NCAPG: variants seen among roughly 807,000 people sequenced by gnomAD.
The protein encoded by NCAPG is non-SMC condensin I complex subunit G, also known as condensin complex subunit 3.
Under a neutral mutation model 113.1 loss-of-function variants are expected in NCAPG, and 69 were observed. That is an observed-to-expected ratio of 0.61 (90% CI 0.50 to 0.75). The LOEUF (loss-of-function observed/expected upper bound fraction) is 0.75. Ranked by LOEUF, NCAPG falls within the 30% of genes least tolerant of loss-of-function variation. The pLI, the probability that NCAPG is intolerant of heterozygous loss-of-function variation, is 0.00. For missense variants in NCAPG, 1,058 were observed against 1,177.0 expected, an observed-to-expected ratio of 0.90 and a Z score of 1.48; for synonymous variants, 370 against 415.8, an observed-to-expected ratio of 0.89 and a Z score of 1.34.
chr4:17,811,519 A>G lies in NCAPG; in HGVS notation c.111+331A>G, dbSNP rs1024799432. 6.7e-6 allele frequency among the ~76,000 whole-genome samples: 1 copy of G among 149,788 alleles called. No individual in the cohort carries two copies. Among genetic ancestry groups the G allele is most frequent in the Non-Finnish European group, 1.5e-5 (1 of 67,126 alleles). ...AGAAACATTTACGACCACCGAGGCG[A>G]TCAGACATCAAATATTGAACCGCAG... On this transcript the variant is annotated intron_variant, in intron 1 of 20. Coordinates refer to ENST00000251496, the MANE Select transcript of NCAPG (RefSeq NM_022346.5). This position sits in a 1 kb window ranked among gnomAD's most constrained non-coding sequence, Gnocchi z 5.3.
chr4:17,830,263 C>T (rs1299784528), intron 12 of NCAPG, among the ~76,000 whole-genome samples: 3 of 151,866 alleles, frequency 2.0e-5, no homozygotes, highest in Non-Finnish European at 1.5e-5. Flanking sequence ...GGTGGTGACT[C>T]GGGCCTGTGC....
intron 5 of NCAPG, 21 bp from the exon 6 acceptor site, chr4:17,817,238 CTA>C: frequency 6.3e-7 from 1 of 1,582,444 alleles, no homozygotes; most frequent in Non-Finnish European, 8.6e-7. Flanking sequence ...CTTTGTTCAC[CTA>C]TGTTTCAAAT....
intron 19 of NCAPG, 72 bp downstream of exon 19, chr4:17,840,765 G>T (rs535565408): frequency 2.0e-6 from 2 of 999,978 alleles, no homozygotes; most frequent in South Asian, 2.7e-5. Flanking sequence ...TACTTGTTTT[G>T]CAAGTTTTCT....
chr4:17,831,170 C>G (rs967516697), intron 13 of NCAPG, 54 bp downstream of exon 13: 3 of 1,569,902 alleles, frequency 1.9e-6, no homozygotes, highest in Non-Finnish European at 2.6e-6. Context: ...TACTCTGTGG[C>G]GATAATGCTA....
intron 9 of NCAPG, 77 bp from the exon 10 acceptor site, chr4:17,824,888 ACTT>A (rs1721597214): frequency 1.1e-6 from 1 of 923,238 alleles, no homozygotes. Context: ...GGTGGATACT[ACTT>A]GGAGTTTTAT....
chr4:17,815,596 C>T (rs935498038), intron 5 of NCAPG, among the ~76,000 whole-genome samples: 5 of 152,210 alleles, frequency 3.3e-5, no homozygotes, highest in African/African-American at 1.2e-4. Context: ...GCAATCTTGG[C>T]TCACTGCAAC....
chr4:17,816,641 T>C (rs1721224493), intron 5 of NCAPG, among the ~76,000 whole-genome samples: 1 of 152,120 alleles, frequency 6.6e-6, no homozygotes, highest in Non-Finnish European at 1.5e-5. Flanking sequence ...GTGTAATAGA[T>C]AAAATCAGAT....
rs1721157060 is a variant in NCAPG, at chr4:17,815,305, T to C, written c.722T>C (p.Met241Thr). The change falls in exon 5 of 21, where the codon ATG becomes ACG. Residue 241 changes from methionine (M) to threonine (T), a missense_variant. Coordinates refer to ENST00000251496, the MANE Select transcript of NCAPG (RefSeq NM_022346.5). ...GCTGAAAAGGTTCATATGAGAGCTA[T>C]GTCCATTGCTCAGAGAGTAATGCTC... ...VLAEKVHMRA[M>T]SIAQRVMLLQ... 2 of 1,596,832 alleles carry C rather than the reference T, an allele frequency of 1.3e-6. No individual in the cohort carries two copies. Among genetic ancestry groups the C allele is most frequent in the African/African-American group, 1.4e-5 (1 of 73,688 alleles).
chr4:17,836,877 C>T (rs1442380986), intron 14 of NCAPG, among the ~76,000 whole-genome samples: 2 of 151,830 alleles, frequency 1.3e-5, no homozygotes, highest in Non-Finnish European at 2.9e-5. Flanking sequence ...TCTTTTTTTC[C>T]AACAGTTATA....
At chr4:17,824,931 T>C in intron 9 of NCAPG, 37 bp from the exon 10 acceptor site, 3 of 1,454,308 alleles carry the variant, frequency 2.1e-6, no homozygotes, top group Non-Finnish European at 2.9e-6. Flanking sequence ...TGCTGATATA[T>C]CAAACATATA....
chr4:17,843,449 T>G lies in NCAPG; in HGVS notation c.*24T>G. ...AGGAAAGACGATGGAGGTGGAATCC[T>G]TTAAGATTATGTCCAGTTATTTGCT... On this transcript the variant is annotated 3_prime_UTR_variant, in exon 21 of 21. Transcript: ENST00000251496. The G allele has an allele frequency of 1.2e-6, 2 of 1,607,592 alleles. No individual in the cohort carries two copies. The highest frequency in any genetic ancestry group is 2.2e-5 in the South Asian group (2 of 90,720).
intron 13 of NCAPG, 122 bp from the exon 14 acceptor site, chr4:17,834,177 A>T: frequency 1.7e-6 from 1 of 583,540 alleles, no homozygotes; most frequent in Non-Finnish European, 2.9e-6. Context: ...TGTTTTCTTT[A>T]GACTAGACAC....
intron 19 of NCAPG, chr4:17,841,723 T>C (rs1282518728): frequency 6.6e-6 from 1 of 152,026 alleles, no homozygotes; most frequent in East Asian, 1.9e-4. Flanking sequence ...GTCTTACTCC[T>C]TAACCTTGTA....
chr4:17,840,324 AT>A (rs1382386414), intron 18 of NCAPG, 115 bp downstream of exon 18: 2 of 1,152,156 alleles, frequency 1.7e-6, no homozygotes, highest in African/African-American at 3.2e-5. Flanking sequence ...AATGAATGAA[AT>A]TTTTTTTCTA....
Position 17,843,577 on chromosome 4 carries a change from C to T in NCAPG, c.*152C>T, listed in dbSNP as rs905605863. 1 of 717,092 alleles carries T rather than the reference C, an allele frequency of 1.4e-6. No individual in the cohort carries two copies. 44.4% of individuals were successfully genotyped at this position (717,092 alleles called of 1,614,324 possible). On this transcript the variant is annotated 3_prime_UTR_variant, in exon 21 of 21. Coordinates refer to ENST00000251496, the MANE Select transcript of NCAPG (RefSeq NM_022346.5). ...CACGTTACTTTGGCCTGTATTAAAG[C>T]AGTAGAGCAGCATCAGTTATTATAG... is the stretch of plus-strand genomic sequence containing the variant.
intron 14 of NCAPG, 55 bp downstream of exon 14, chr4:17,834,578 T>TTTA: frequency 9.0e-7 from 1 of 1,111,206 alleles, no homozygotes; most frequent in Non-Finnish European, 1.2e-6. Flanking sequence ...CATGTATTTG[T>TTTA]TTATTATTAT....
rs755366851 is a variant in NCAPG, at chr4:17,825,386, C to T, written c.1478C>T (p.Ala493Val). The change falls in exon 11 of 21, where the codon GCT (alanine) becomes GTT (valine). Residue 493 changes from alanine to valine, a missense_variant. By Grantham distance (64) the Ala-to-Val change is moderately conservative. Transcript: ENST00000251496. ...ACAATTTATATCTTCCCTTAGATGG[C>T]TGAAATAAAAGTTAAGCTTATCGAA... is the stretch of plus-strand genomic sequence containing the variant. ...ADVRKKELKMAEIKVKLIEAK... is the reference protein window; with the variant it reads ...ADVRKKELKMVEIKVKLIEAK... 3 of 1,580,296 alleles carry T rather than the reference C, an allele frequency of 1.9e-6. No individual in the cohort carries two copies. The highest frequency in any genetic ancestry group is 2.6e-6 in the Non-Finnish European group (3 of 1,170,946).
intron 2 of NCAPG, 48 bp from the exon 3 acceptor site, chr4:17,812,869 G>T: frequency 7.0e-7 from 1 of 1,430,084 alleles, no homozygotes; most frequent in Non-Finnish European, 9.8e-7. Flanking sequence ...TTGATTATTT[G>T]GGAGTGGTAT....
At chr4:17,826,889 T>A (rs1470816796) in intron 11 of NCAPG, among the ~76,000 whole-genome samples, 3 of 152,254 alleles carry the variant, frequency 2.0e-5, no homozygotes, top group Non-Finnish European at 4.4e-5. Flanking sequence ...CAGCATTAAT[T>A]ACTTCACAAA....
Sources: allele counts gnomAD v4.1 joint callset (sites outside exome capture counted in the v4.1 genomes callset), GRCh38; gene constraint gnomAD v4.1.1; non-coding constraint Gnocchi (gnomAD v3.1); transcripts MANE v1.5; gene names NCBI Gene and HGNC (gene_info 2026-07-23, HGNC 2026-07-21).